The following UGGT2 variants were observed in gnomAD, a reference collection of about 807,000 sequenced individuals.
The protein encoded by UGGT2 is UDP-glucose glycoprotein glucosyltransferase 2, also known as UDP-glucose:glycoprotein glucosyltransferase 2.
In UGGT2, 180 loss-of-function variants were observed where a neutral mutation model predicts 192.1. The ratio of observed to expected loss-of-function variants is 0.94; its 90% CI spans 0.83 to 1.06. UGGT2 has a LOEUF of 1.06. UGGT2 is among the 50% of genes least tolerant of loss of function. UGGT2 has a pLI of 0.00. For synonymous variants in UGGT2, 580 were observed against 591.0 expected, an observed-to-expected ratio of 0.98 and a Z score of 0.27; for missense variants, 1,849 against 1,795.7, an observed-to-expected ratio of 1.03 and a Z score of -0.54.
intron 1 of UGGT2, among the ~76,000 whole-genome samples, chr13:96,036,237 G>A (rs1247684272): frequency 6.6e-6 from 1 of 152,210 alleles, no homozygotes; most frequent in East Asian, 1.9e-4. Context: ...AAATGAACAA[G>A]GTCATGTCTT....
At chr13:96,010,736 T>C (rs2052135213) in intron 5 of UGGT2, among the ~76,000 whole-genome samples, 1 of 152,128 alleles carries the variant, frequency 6.6e-6, no homozygotes, top group Non-Finnish European at 1.5e-5. Flanking sequence ...TCAATCAAAA[T>C]GCCAGCAAAA....
chr13:95,915,795 G>T (rs1487106393), intron 20 of UGGT2, among the ~76,000 whole-genome samples: 1 of 152,178 alleles, frequency 6.6e-6, no homozygotes, highest in Non-Finnish European at 1.5e-5. Flanking sequence ...TGGCCAGACT[G>T]CTTCTTTAAG....
intron 17 of UGGT2, among the ~76,000 whole-genome samples, chr13:95,929,147 C>T (rs1227747559): frequency 6.6e-6 from 1 of 152,164 alleles, no homozygotes; most frequent in African/African-American, 2.4e-5. Context: ...GGAGGCAGTA[C>T]AGTCCAGCCT....
intron 27 of UGGT2, among the ~76,000 whole-genome samples, chr13:95,884,065 C>A (rs1212698376): frequency 0.011 from 829 of 73,650 alleles, no homozygotes; most frequent in African/African-American, 0.017. Context: ...GCTGTGAGGC[C>A]AAAAAAAAAA....
intron 36 of UGGT2, among the ~76,000 whole-genome samples, chr13:95,838,060 A>T (rs1291289116): frequency 1.3e-5 from 2 of 152,218 alleles, no homozygotes; most frequent in African/African-American, 4.8e-5. Context: ...GAAAATCCCA[A>T]GAATCAAGGG....
chr13:96,040,100 A>G (rs1425754373), intron 1 of UGGT2, among the ~76,000 whole-genome samples: 2 of 152,228 alleles, frequency 1.3e-5, no homozygotes, highest in South Asian at 2.1e-4. Flanking sequence ...CTCCACAGCT[A>G]CTTCTACATT....
intron 38 of UGGT2, among the ~76,000 whole-genome samples, chr13:95,829,478 G>T (rs991689666): frequency 6.6e-6 from 1 of 152,130 alleles, no homozygotes; most frequent in African/African-American, 2.4e-5. Context: ...AAAGTCTCTG[G>T]ATACAAAATC....
At chr13:95,840,352 A>G (rs1416399108) in intron 36 of UGGT2, among the ~76,000 whole-genome samples, 2 of 152,210 alleles carry the variant, frequency 1.3e-5, no homozygotes, top group African/African-American at 2.4e-5. Context: ...TTTACAAGAA[A>G]AAAAACAACC....
chr13:95,861,489 C>T (rs757928833), intron 31 of UGGT2, among the ~76,000 whole-genome samples: 16 of 152,156 alleles, frequency 1.1e-4, no homozygotes, highest in Non-Finnish European at 1.3e-4. Context: ...ATCATGGTAG[C>T]GTCATCTGGG....
intron 12 of UGGT2, among the ~76,000 whole-genome samples, chr13:95,967,148 G>A (rs957263255): frequency 2.0e-5 from 3 of 151,626 alleles, no homozygotes; most frequent in South Asian, 4.2e-4. Flanking sequence ...GGGCACCACA[G>A]GCATAACCTT....
At chr13:95,972,239 A>G (rs561596428) in intron 11 of UGGT2, among the ~76,000 whole-genome samples, 3 of 151,958 alleles carry the variant, frequency 2.0e-5, no homozygotes, top group African/African-American at 7.2e-5. Context: ...GAAATACCCC[A>G]TGTTGACTTC....
chr13:96,011,880 GTC>G (rs1483638713), intron 5 of UGGT2, among the ~76,000 whole-genome samples: 1 of 151,942 alleles, frequency 6.6e-6, no homozygotes, highest in Admixed American at 6.6e-5. Flanking sequence ...TGAAGAAAAA[GTC>G]TCTTCAAAAT....
intron 6 of UGGT2, among the ~76,000 whole-genome samples, chr13:95,996,543 G>A (rs745375901): frequency 1.6e-4 from 24 of 151,402 alleles, no homozygotes; most frequent in Non-Finnish European, 2.7e-4. Flanking sequence ...AATTCCATTC[G>A]TTTTACCTTG....
chr13:96,047,062 A>C (rs1277552147), intron 1 of UGGT2, among the ~76,000 whole-genome samples: 1 of 152,194 alleles, frequency 6.6e-6, no homozygotes, highest in East Asian at 1.9e-4. Context: ...AACTGAACAA[A>C]AGGCAGCAGA....
intron 31 of UGGT2, among the ~76,000 whole-genome samples, chr13:95,861,424 GATGACTTCC>G (rs1193027001): frequency 6.6e-6 from 1 of 151,950 alleles, no homozygotes; most frequent in Non-Finnish European, 1.5e-5. Flanking sequence ...TGGTACTCTG[GATGACTTCC>G]ATGACAAAGA....
Position 96,053,302 on chromosome 13 carries a change from G to C in UGGT2, c.11C>G (p.Ala4Gly). Residue 4 changes from alanine to glycine, a missense_variant, in exon 1 of 39, where the codon GCG becomes GGG. Transcript: ENST00000376747. ...CAGCCGCACCACGTTCGTGGCTTTC[G>C]CTGGCGCCATGGCACGGAGAGAAAA... MAP[A>G]KATNVVRLLL... is the part of the protein sequence containing the mutation. 6.3e-7 allele frequency: 1 copy of C among 1,578,948 alleles called. No individual in the cohort carries two copies. Among genetic ancestry groups the C allele is most frequent in the Non-Finnish European group, 8.5e-7 (1 of 1,171,810 alleles).
At chr13:96,045,851 G>C (rs1326756646) in intron 1 of UGGT2, among the ~76,000 whole-genome samples, 1 of 152,036 alleles carries the variant, frequency 6.6e-6, no homozygotes, top group Non-Finnish European at 1.5e-5. Context: ...ACAAACAAAT[G>C]GAACCATACC....
intron 20 of UGGT2, among the ~76,000 whole-genome samples, chr13:95,917,710 G>T (rs2048724101): frequency 6.6e-6 from 1 of 152,168 alleles, no homozygotes; most frequent in African/African-American, 2.4e-5. Flanking sequence ...ATAAAGAGAT[G>T]GAGGAAAATT....
At chr13:96,030,087 T>G (rs921534130) in intron 2 of UGGT2, among the ~76,000 whole-genome samples, 2 of 152,214 alleles carry the variant, frequency 1.3e-5, no homozygotes, top group African/African-American at 4.8e-5. Context: ...AAGTAAACAT[T>G]ACTAAGTGAT....
Sources: allele counts gnomAD v4.1 joint callset (sites outside exome capture counted in the v4.1 genomes callset), GRCh38; gene constraint gnomAD v4.1.1; transcripts MANE v1.5; gene names NCBI Gene and HGNC (gene_info 2026-07-23, HGNC 2026-07-21).